TNR: variants seen among roughly 807,000 people sequenced by gnomAD.
TNR encodes the protein tenascin R.
Under a neutral mutation model 150.4 loss-of-function variants are expected in TNR, and 45 were observed. That is an observed-to-expected ratio of 0.30 (90% confidence interval 0.24 to 0.38). The LOEUF is 0.38. Ranked by LOEUF, TNR falls within the 10% of genes least tolerant of loss-of-function variation. TNR has a pLI of 1.00. For missense variants in TNR, 1,544 were observed against 1,759.1 expected (o/e 0.88, Z 2.19); for synonymous variants, 687 against 678.4 (o/e 1.01, Z -0.20).
At chr1:175,353,851 A>ATTTATTT (rs111708916) in intron 18 of TNR, among the ~76,000 whole-genome samples, 42 of 146,206 alleles carry the variant, frequency 2.9e-4, no homozygotes, top group African/African-American at 1.0e-3. Context: ...ATTTTTATTT[A>ATTTATTT]TTTTTTTTTT....
intron 3 of TNR, among the ~76,000 whole-genome samples, 188 bp downstream of exon 3, chr1:175,406,028 T>C (rs553617902): frequency 3.5e-4 from 53 of 152,302 alleles, no homozygotes; most frequent in African/African-American, 1.2e-3. Flanking sequence ...CATTTAGATC[T>C]TAGAGACATA....
intron 2 of TNR, among the ~76,000 whole-genome samples, chr1:175,418,131 T>C (rs751191240): frequency 5.3e-5 from 8 of 152,166 alleles, no homozygotes; most frequent in African/African-American, 9.7e-5. Context: ...CTTAATTAAA[T>C]TCAGTTACAC....
At position 175,391,415 on chromosome 1, in the gene TNR, A is replaced by G. The variant is rs1653163963; in HGVS notation, c.1380T>C (p.Ala460=). The change falls in exon 7 of 23, where the codon GCT becomes GCC. Residue 460 remains alanine, a synonymous_variant. Coordinates refer to ENST00000367674, the MANE Select transcript of TNR (RefSeq NM_003285.3). ...AGGACGTAACATCGCTGGGGACCTGAGCAATCACTCCCCCTTCATTGTTCT... is the reference window on the plus strand; with the variant it reads ...AGGACGTAACATCGCTGGGGACCTGGGCAATCACTCCCCCTTCATTGTTCT... ...IPKNNEGGVI[A]QVPSDVTSFN... 6.2e-7 allele frequency: 1 copy of G among 1,614,028 alleles called. No homozygotes were observed. The highest frequency in any genetic ancestry group is 8.5e-7 in the Non-Finnish European group (1 of 1,180,024).
At chr1:175,694,658 A>G (rs550914341) in intron 1 of TNR, among the ~76,000 whole-genome samples, 1 of 152,292 alleles carries the variant, frequency 6.6e-6, no homozygotes, top group East Asian at 1.9e-4. Flanking sequence ...ATGTGATCTT[A>G]TTTGGAGATA....
intron 2 of TNR, among the ~76,000 whole-genome samples, chr1:175,525,817 AG>A (rs1184186819): frequency 1.3e-5 from 2 of 152,226 alleles, no homozygotes; most frequent in African/African-American, 4.8e-5. Flanking sequence ...GCTTAAATTC[AG>A]GAACACCTCT....
At chr1:175,519,329 C>T (rs1326947796) in intron 2 of TNR, among the ~76,000 whole-genome samples, 1 of 152,188 alleles carries the variant, frequency 6.6e-6, no homozygotes, top group Non-Finnish European at 1.5e-5. Context: ...TACAATTGTC[C>T]TGTGTTATCC....
intron 1 of TNR, among the ~76,000 whole-genome samples, chr1:175,607,448 T>C (rs1218642787): frequency 2.0e-5 from 3 of 152,224 alleles, no homozygotes; most frequent in African/African-American, 7.2e-5. Flanking sequence ...AAGGTAAAGA[T>C]TGGAAACATT....
intron 13 of TNR, among the ~76,000 whole-genome samples, chr1:175,363,397 A>C (rs991052020): frequency 1.3e-5 from 2 of 152,204 alleles, no homozygotes; most frequent in African/African-American, 4.8e-5. Context: ...AGGAATATTC[A>C]TGTGACCCAA....
At chr1:175,334,852 TG>T (rs1182244153) in intron 20 of TNR, among the ~76,000 whole-genome samples, 3 of 152,240 alleles carry the variant, frequency 2.0e-5, no homozygotes, top group Admixed American at 6.5e-5. Flanking sequence ...GCAATAATGC[TG>T]TCTCAGAGAA....
intron 2 of TNR, among the ~76,000 whole-genome samples, chr1:175,415,892 C>T (rs1371602245): frequency 6.6e-6 from 1 of 152,070 alleles, no homozygotes; most frequent in African/African-American, 2.4e-5. Context: ...TACCCACTTA[C>T]AATACAACTG....
intron 1 of TNR, among the ~76,000 whole-genome samples, chr1:175,677,123 G>C (rs1349583719): frequency 2.0e-5 from 3 of 152,218 alleles, no homozygotes; most frequent in Non-Finnish European, 4.4e-5. Context: ...GAAGTATTAA[G>C]AGAGGCTGAA....
intron 1 of TNR, among the ~76,000 whole-genome samples, chr1:175,662,988 C>G (rs1290051834): frequency 6.6e-6 from 1 of 152,204 alleles, no homozygotes; most frequent in Non-Finnish European, 1.5e-5. Flanking sequence ...GGTTTAATGT[C>G]TACCTCACTG....
chr1:175,384,931 G>T (rs1299532805), intron 8 of TNR, among the ~76,000 whole-genome samples: 1 of 152,142 alleles, frequency 6.6e-6, no homozygotes, highest in African/African-American at 2.4e-5. Context: ...GAACACAGGG[G>T]TGTTATTTAT....
chr1:175,686,353 A>G (rs1666200266), intron 1 of TNR, among the ~76,000 whole-genome samples: 1 of 152,244 alleles, frequency 6.6e-6, no homozygotes, highest in African/African-American at 2.4e-5. Flanking sequence ...CAACAGAGTC[A>G]TTAGATGTGT....
At chr1:175,405,165 A>G (rs1314997702) in intron 3 of TNR, among the ~76,000 whole-genome samples, 3 of 152,220 alleles carry the variant, frequency 2.0e-5, no homozygotes, top group Non-Finnish European at 4.4e-5. Flanking sequence ...GGTCTAAGGT[A>G]CCTTTTGGGA....
chr1:175,586,116 T>C (rs1278310182), intron 1 of TNR, among the ~76,000 whole-genome samples: 1 of 152,130 alleles, frequency 6.6e-6, no homozygotes. Flanking sequence ...AGCAGAATAA[T>C]GACTCAATCT....
intron 15 of TNR, among the ~76,000 whole-genome samples, chr1:175,359,139 C>CTTTTTTTTTTTGTTTTTTTT: frequency 2.4e-5 from 1 of 42,138 alleles, no homozygotes; most frequent in Non-Finnish European, 4.3e-5. Context: ...GGGATATCTT[C>CTTTTTTTTTTTGTTTTTTTT]TTTTTTTTTT....
At chr1:175,698,382 C>T (rs1666591954) in intron 1 of TNR, among the ~76,000 whole-genome samples, 1 of 152,094 alleles carries the variant, frequency 6.6e-6, no homozygotes, top group Non-Finnish European at 1.5e-5. Flanking sequence ...AGGAATTCAG[C>T]AGTGGGGAAA....
chr1:175,541,531 C>A (rs1660499032), intron 1 of TNR, among the ~76,000 whole-genome samples: 1 of 152,114 alleles, frequency 6.6e-6, no homozygotes, highest in Non-Finnish European at 1.5e-5. Context: ...TACTGATTAA[C>A]CACAGCTGAG....
Sources: allele counts gnomAD v4.1 joint callset (sites outside exome capture counted in the v4.1 genomes callset), GRCh38; gene constraint gnomAD v4.1.1; transcripts MANE v1.5; gene names NCBI Gene and HGNC (gene_info 2026-07-23, HGNC 2026-07-21).